The following DPYSL3 variants were observed in gnomAD, a reference collection of about 807,000 sequenced individuals.
DPYSL3 encodes the protein dihydropyrimidinase like 3, also known as dihydropyrimidinase-related protein 3.
In DPYSL3, 16 loss-of-function variants were observed where a neutral mutation model predicts 66.1. The observed-to-expected ratio is 0.24, with a 90% CI of 0.16 to 0.37. The LOEUF (loss-of-function observed/expected upper bound fraction) is 0.37, where lower values mean the gene tolerates loss of function less well. Among genes scored for constraint, DPYSL3 ranks in the 10% least tolerant of loss-of-function variants. DPYSL3 has a pLI of 1.00. For synonymous variants in DPYSL3, 338 were observed against 345.1 expected, an observed-to-expected ratio of 0.98 and a Z score of 0.23; for missense variants, 738 against 916.2, an observed-to-expected ratio of 0.81 and a Z score of 2.51.
rs1318495503 is a variant in DPYSL3, at chr5:147,509,123, G to T, written c.381+355C>A. ...CAGAGGGGGGCAAGACAATTGTGCT[G>T]TTGGCTACTAGAGAGAAGAGCTGGA... On this transcript the variant is annotated intron_variant, in intron 1 of 13. Transcript: ENST00000343218. The surrounding 1 kb of genome is among the most constrained non-coding windows in gnomAD (Gnocchi z 5.3). 6.6e-6 allele frequency among the ~76,000 whole-genome samples: 1 copy of T among 152,178 alleles called. No homozygotes were observed. The highest frequency in any genetic ancestry group is 1.5e-5 in the Non-Finnish European group (1 of 68,038).
At chr5:147,407,925 C>T (rs1327204222) in intron 7 of DPYSL3, among the ~76,000 whole-genome samples, 1 of 151,972 alleles carries the variant, frequency 6.6e-6, no homozygotes, top group Non-Finnish European at 1.5e-5. Context: ...TTCATTGCCT[C>T]CTTAGGATAG....
intron 1 of DPYSL3, among the ~76,000 whole-genome samples, chr5:147,479,280 G>A (rs372200366): frequency 6.6e-6 from 1 of 152,136 alleles, no homozygotes; most frequent in East Asian, 1.9e-4. Flanking sequence ...CACTGAGCAG[G>A]GATTTAAACC....
rs184228580 is a variant in DPYSL3 at position 147,445,186 on chromosome 5, G to A, written c.382-20223C>T. Among the ~76,000 whole-genome samples the A allele has an allele frequency of 3.6e-4, 55 of 152,324 alleles. 1 individual carries two copies. The highest frequency in any genetic ancestry group is 1.1e-3 in the African/African-American group (45 of 41,576). On this transcript the variant is annotated intron_variant, in intron 1 of 13. Transcript: ENST00000343218. ...TAGGCCCCTGAAACAAGCTCAGAAT[G>A]AGCCCAGATGCAGAAGCTGGAAGAA...
At chr5:147,424,754 C>T (rs1561782977) in intron 2 of DPYSL3, 121 bp downstream of exon 2, 1 of 761,834 alleles carries the variant, frequency 1.3e-6, no homozygotes, top group East Asian at 2.8e-5. Flanking sequence ...CAGTATCTCA[C>T]TTCATTCTGT....
intron 1 of DPYSL3, chr5:147,472,629 C>T (rs1230017166): frequency 6.6e-6 from 1 of 152,154 alleles, no homozygotes; most frequent in Non-Finnish European, 1.5e-5. Flanking sequence ...GCTCAAAGGC[C>T]TATTTACCAT....
intron 1 of DPYSL3, among the ~76,000 whole-genome samples, chr5:147,444,306 C>G (rs1342617474): frequency 6.6e-6 from 1 of 152,036 alleles, no homozygotes; most frequent in Non-Finnish European, 1.5e-5. Flanking sequence ...AAAGAAAGAC[C>G]TGGTGAAAAA....
chr5:147,501,318 T>A (rs1753603538), intron 1 of DPYSL3, among the ~76,000 whole-genome samples: 1 of 151,970 alleles, frequency 6.6e-6, no homozygotes, highest in African/African-American at 2.4e-5. Flanking sequence ...CAGAAGAGAA[T>A]GATGAACAGA....
At chr5:147,491,509 T>C (rs1294013740) in intron 1 of DPYSL3, among the ~76,000 whole-genome samples, 1 of 152,094 alleles carries the variant, frequency 6.6e-6, no homozygotes, top group Non-Finnish European at 1.5e-5. Flanking sequence ...TTAGACACAC[T>C]ATGAATAACA....
chr5:147,429,489 T>TGC (rs1217454908), intron 1 of DPYSL3, among the ~76,000 whole-genome samples: 6 of 152,260 alleles, frequency 3.9e-5, no homozygotes, highest in East Asian at 1.9e-4. Context: ...CGTGTGTGTG[T>TGC]GCGTGTATAA....
rs1301015383 is a variant in DPYSL3 at position 147,400,727 on chromosome 5, C to T, written c.1417G>A (p.Glu473Lys). The change falls in exon 10 of 14, where the codon GAG becomes AAG. Residue 473 changes from glutamate to lysine, a missense_variant. Glu to Lys is a moderately conservative substitution (Grantham distance 56). Coordinates refer to ENST00000343218, the MANE Select transcript of DPYSL3 (RefSeq NM_001197294.2). Reference sequence around the variant, plus strand: ...TCCCAGATGACAGACATCCGCTCCTCCACACCATTGGTGCCCTCAGGAATG... The same window carrying T: ...TCCCAGATGACAGACATCCGCTCCTTCACACCATTGGTGCCCTCAGGAATG... ...TAIPEGTNGV[E>K]ERMSVIWDKA... 1 of 1,614,208 alleles carries T rather than the reference C, an allele frequency of 6.2e-7. No homozygotes were observed. The highest frequency in any genetic ancestry group is 1.7e-5 in the Admixed American group (1 of 60,028).
intron 1 of DPYSL3, among the ~76,000 whole-genome samples, chr5:147,477,478 T>G (rs1321838118): frequency 6.6e-6 from 1 of 151,730 alleles, no homozygotes; most frequent in African/African-American, 2.4e-5. Flanking sequence ...GGCTGTGATA[T>G]TTCCAGAATT....
rs370737961 is a variant in DPYSL3, at chr5:147,412,583, G to T, written c.963+25C>A. 3.7e-6 allele frequency: 6 copies of T among 1,603,498 alleles called. No individual in the cohort carries two copies. In the African/African-American group the frequency reaches 8.0e-5, roughly 21 times the overall value. On this transcript the variant is annotated intron_variant, in intron 6 of 13. Coordinates refer to ENST00000343218, the MANE Select transcript of DPYSL3 (RefSeq NM_001197294.2). Reference sequence around the variant, plus strand: ...AAAATGGAATGCAGACCCAAAGCACGCTCCAGGGAGCTGCACGGTGTTACC... The same window carrying T: ...AAAATGGAATGCAGACCCAAAGCACTCTCCAGGGAGCTGCACGGTGTTACC...
intron 6 of DPYSL3, among the ~76,000 whole-genome samples, chr5:147,410,416 A>T (rs144377671): frequency 0.017 from 2,549 of 152,246 alleles, 77 homozygotes; most frequent in African/African-American, 0.058. Context: ...TGAAGCCATG[A>T]TGTCCCTATA....
intron 1 of DPYSL3, among the ~76,000 whole-genome samples, chr5:147,449,709 T>C (rs1752691049): frequency 2.0e-5 from 3 of 152,184 alleles, no homozygotes; most frequent in African/African-American, 7.2e-5. Context: ...CTTCCTTAAC[T>C]GGGAAATGAT....
In DPYSL3 at chr5:147,393,815, G is replaced by T; in HGVS notation, c.*220C>A. The T allele has an allele frequency of 1.8e-6, 1 of 562,948 alleles. No homozygotes were observed. The highest frequency in any genetic ancestry group is 3.2e-6 in the Non-Finnish European group (1 of 315,406). 34.9% of individuals were successfully genotyped at this position (562,948 alleles called of 1,614,324 possible). A position where few individuals can be genotyped will look rare whatever the true frequency, so the allele number is the denominator to read the frequency against. ...ATTGCATGCATGTAAATGGGGGGAG[G>T]GGAGTCAAACAAATCAAGGCTATGC... On this transcript the variant is annotated 3_prime_UTR_variant, in exon 14 of 14. Coordinates refer to ENST00000343218, the MANE Select transcript of DPYSL3 (RefSeq NM_001197294.2).
chr5:147,423,487 A>T (rs1390273596), intron 2 of DPYSL3, among the ~76,000 whole-genome samples: 12 of 152,234 alleles, frequency 7.9e-5, no homozygotes. Flanking sequence ...ATTGAGAGAA[A>T]GCATGCAAAA....
intron 4 of DPYSL3, among the ~76,000 whole-genome samples, chr5:147,414,618 C>T (rs553891674): frequency 6.6e-6 from 1 of 152,326 alleles, no homozygotes; most frequent in South Asian, 2.1e-4. Flanking sequence ...ATGATCCAGG[C>T]TCTTTGATAA....
chr5:147,497,114 G>A (rs1215846120), intron 1 of DPYSL3, among the ~76,000 whole-genome samples: 14 of 152,172 alleles, frequency 9.2e-5, no homozygotes, highest in Non-Finnish European at 1.6e-4. Context: ...CATGGATGAA[G>A]CTGGAAACCA....
intron 3 of DPYSL3, among the ~76,000 whole-genome samples, chr5:147,417,189 A>G (rs1490387332): frequency 6.6e-6 from 1 of 152,236 alleles, no homozygotes; most frequent in East Asian, 1.9e-4. Flanking sequence ...CAAGCATAAT[A>G]CAAATCTCAA....
Sources: allele counts gnomAD v4.1 joint callset (sites outside exome capture counted in the v4.1 genomes callset), GRCh38; gene constraint gnomAD v4.1.1; non-coding constraint Gnocchi (gnomAD v3.1); transcripts MANE v1.5; gene names NCBI Gene and HGNC (gene_info 2026-07-23, HGNC 2026-07-21).